Variants in ZFAND3 observed in about 807,000 individuals in gnomAD.
ZFAND3 encodes AN1-type zinc finger protein 3.
In ZFAND3, 10 loss-of-function variants were observed where a neutral mutation model predicts 29.6. The ratio of observed to expected loss-of-function variants is 0.34; its 90% CI spans 0.21 to 0.57. ZFAND3 has a LOEUF of 0.57. Among genes scored for constraint, ZFAND3 ranks in the 20% least tolerant of loss-of-function variants. The pLI is 0.86. For synonymous variants in ZFAND3, 128 were observed against 112.6 expected (o/e 1.14, Z -0.87); for missense variants, 230 against 304.5 (o/e 0.76, Z 1.82).
At chr6:37,838,513 A>T (rs981287171) in intron 1 of ZFAND3, among the ~76,000 whole-genome samples, 1 of 152,212 alleles carries the variant, frequency 6.6e-6, no homozygotes. Context: ...CCTGCTAAAC[A>T]TGAATCTACT....
intron 1 of ZFAND3, among the ~76,000 whole-genome samples, chr6:37,823,816 A>G (rs1763710636): frequency 6.6e-6 from 1 of 151,532 alleles, no homozygotes; most frequent in Non-Finnish European, 1.5e-5. Context: ...GGGGGTAGGA[A>G]GTTTTGCTCT....
intron 2 of ZFAND3, among the ~76,000 whole-genome samples, chr6:37,969,177 T>G (rs1762341641): frequency 6.6e-6 from 1 of 152,192 alleles, no homozygotes; most frequent in Admixed American, 6.5e-5. Flanking sequence ...GCATTAAAAT[T>G]TTATGGTATC....
chr6:37,850,620 GT>G (rs1368402767), intron 1 of ZFAND3, among the ~76,000 whole-genome samples: 2 of 152,158 alleles, frequency 1.3e-5, no homozygotes, highest in Non-Finnish European at 2.9e-5. Flanking sequence ...TAGCCTAGCA[GT>G]GATAGGCCAT....
intron 4 of ZFAND3, among the ~76,000 whole-genome samples, chr6:38,104,280 C>T (rs1263920915): frequency 6.6e-6 from 1 of 152,018 alleles, no homozygotes; most frequent in Non-Finnish European, 1.5e-5. Flanking sequence ...AAAGAGACCT[C>T]GCGTATGAGC....
chr6:37,988,525 A>G (rs1408186630), intron 2 of ZFAND3, among the ~76,000 whole-genome samples: 2 of 152,006 alleles, frequency 1.3e-5, no homozygotes, highest in African/African-American at 2.4e-5. Context: ...CAAGCTGTTC[A>G]TTTTCTCTCA....
chr6:37,912,512 A>G (rs1420403790), intron 1 of ZFAND3, among the ~76,000 whole-genome samples: 3 of 152,210 alleles, frequency 2.0e-5, no homozygotes, highest in Admixed American at 6.5e-5. Context: ...TGATAGTACA[A>G]AGTATCCCAA....
At chr6:37,863,503 G>T in intron 1 of ZFAND3, among the ~76,000 whole-genome samples, 1 of 152,000 alleles carries the variant, frequency 6.6e-6, no homozygotes, top group East Asian at 1.9e-4. Context: ...CTCTTCAAAT[G>T]ACAATAAAGA....
intron 2 of ZFAND3, among the ~76,000 whole-genome samples, chr6:37,994,336 A>G (rs1012065685): frequency 6.6e-6 from 1 of 152,122 alleles, no homozygotes; most frequent in African/African-American, 2.4e-5. Flanking sequence ...TCTACTCACA[A>G]TCAGGTTAGG....
chr6:37,880,156 T>C (rs1268868420), intron 1 of ZFAND3, among the ~76,000 whole-genome samples: 2 of 152,196 alleles, frequency 1.3e-5, no homozygotes, highest in Non-Finnish European at 2.9e-5. Context: ...TTTAAAAATG[T>C]AGCAACAAAA....
chr6:37,896,236 A>AT (rs536891282), intron 1 of ZFAND3, among the ~76,000 whole-genome samples: 29 of 151,512 alleles, frequency 1.9e-4, no homozygotes, highest in Non-Finnish European at 3.2e-4. Flanking sequence ...GTTGCCTTTG[A>AT]TTTTTTTTGT....
intron 4 of ZFAND3, among the ~76,000 whole-genome samples, chr6:38,099,622 A>G (rs780797387): frequency 6.6e-6 from 1 of 152,214 alleles, no homozygotes; most frequent in Non-Finnish European, 1.5e-5. Context: ...CTTACTAAAA[A>G]TGTATACATA....
chr6:37,955,528 A>G (rs927699402), intron 2 of ZFAND3, among the ~76,000 whole-genome samples: 1 of 152,184 alleles, frequency 6.6e-6, no homozygotes, highest in African/African-American at 2.4e-5. Context: ...CAGGATAGAA[A>G]GGCTCAGTGT....
intron 2 of ZFAND3, among the ~76,000 whole-genome samples, chr6:38,041,670 CT>C (rs1223462765): frequency 0.017 from 416 of 24,366 alleles, 9 homozygotes; most frequent in Non-Finnish European, 0.025. Context: ...TCTTCTTCTT[CT>C]TCTTCTTCTT....
rs777938052 is a variant in ZFAND3 at position 38,046,904 on chromosome 6, A to G, written c.113-14689A>G. ...TTAACGCTATTACAGAATTTAGTAC[A>G]GCCTGGTAGAAAGTTCAGTTGATAC... On this transcript the variant is annotated intron_variant, in intron 2 of 5. Transcript: ENST00000287218. Among the ~76,000 whole-genome samples, 5 of 152,146 alleles carry G rather than the reference A, an allele frequency of 3.3e-5. No individual in the cohort carries two copies. The South Asian group carries it at 8.3e-4, about 25-fold the overall frequency.
chr6:37,890,918 C>T (rs1235649285), intron 1 of ZFAND3, among the ~76,000 whole-genome samples: 4 of 152,206 alleles, frequency 2.6e-5, no homozygotes, highest in African/African-American at 9.7e-5. Context: ...GCAGGCAGCT[C>T]CAAACACACT....
intron 1 of ZFAND3, among the ~76,000 whole-genome samples, chr6:37,911,775 A>G (rs545764993): frequency 2.4e-4 from 36 of 152,302 alleles, no homozygotes; most frequent in African/African-American, 7.5e-4. Context: ...ATTCAGTTCA[A>G]CAGGTGGGAG....
intron 2 of ZFAND3, among the ~76,000 whole-genome samples, chr6:37,931,761 T>A (rs1761601176): frequency 6.6e-6 from 1 of 152,124 alleles, no homozygotes; most frequent in Non-Finnish European, 1.5e-5. Flanking sequence ...AATTTTAATC[T>A]ATTCATTATG....
chr6:37,964,933 G>A (rs773509216), intron 2 of ZFAND3, among the ~76,000 whole-genome samples: 3 of 152,108 alleles, frequency 2.0e-5, no homozygotes, highest in Non-Finnish European at 4.4e-5. Flanking sequence ...TGAGATACTG[G>A]GTGGACAGCA....
At chr6:37,925,983 A>G (rs1761477455) in intron 1 of ZFAND3, among the ~76,000 whole-genome samples, 1 of 152,194 alleles carries the variant, frequency 6.6e-6, no homozygotes, top group African/African-American at 2.4e-5. Context: ...GTGGGAGATC[A>G]CTACCAAATG....
Sources: allele counts gnomAD v4.1 joint callset (sites outside exome capture counted in the v4.1 genomes callset), GRCh38; gene constraint gnomAD v4.1.1; transcripts MANE v1.5; gene names NCBI Gene and HGNC (gene_info 2026-07-23, HGNC 2026-07-21).